AKTIP: variants seen among roughly 807,000 people sequenced by gnomAD.
AKTIP encodes AKT interacting protein, also known as AKT-interacting protein.
In AKTIP, 16 loss-of-function variants were observed where a neutral mutation model predicts 39.1. That is an observed-to-expected ratio of 0.41 (90% CI 0.28 to 0.62). AKTIP has a LOEUF of 0.62. Among genes scored for constraint, AKTIP ranks in the 20% least tolerant of loss-of-function variants. AKTIP has a pLI of 0.32. For missense variants in AKTIP, 262 were observed against 356.6 expected, an observed-to-expected ratio of 0.73 and a Z score of 2.14; for synonymous variants, 93 against 124.3, an observed-to-expected ratio of 0.75 and a Z score of 1.67.
upstream of AKTIP, chr16:53,503,263 TGCC>T (rs1962300310): frequency 5.2e-4 from 13 of 24,986 alleles, 1 homozygote; most frequent in Non-Finnish European, 2.6e-4. Flanking sequence ...CACCCCGCCC[TGCC>T]CTGCCCTGCC....
At chr16:53,496,987 C>T (rs1447765776) in intron 3 of AKTIP, among the ~76,000 whole-genome samples, 5 of 151,832 alleles carry the variant, frequency 3.3e-5, no homozygotes, top group Admixed American at 6.6e-5. Flanking sequence ...TTTTTAGAGA[C>T]GGGGTCACTC....
chr16:53,504,218 G>A (rs1347259202), upstream of AKTIP: 3 of 151,202 alleles, frequency 2.0e-5, no homozygotes, highest in East Asian at 3.9e-4. Context: ...TCTTACCAAC[G>A]GTGCCTCCCC....
In AKTIP at chr16:53,494,431, G is replaced by C; in HGVS notation, c.510C>G (p.Asn170Lys). 6.2e-7 allele frequency: 1 copy of C among 1,614,036 alleles called. No individual in the cohort carries two copies. Among genetic ancestry groups the C allele is most frequent in the Non-Finnish European group, 8.5e-7 (1 of 1,179,950 alleles). Reference protein sequence around the residue: ...VKRAFAKWRRNHNHIWQVLMY... With the variant: ...VKRAFAKWRRKHNHIWQVLMY... ...TTAATACCTGCCAAATATGATTATG[G>C]TTCCGCCTAAAGGGAAACATGGCGT... The change falls in exon 7 of 10, where the codon AAC (asparagine) becomes AAG (lysine). Residue 170 changes from asparagine to lysine, a missense_variant. Transcript: ENST00000394657.
In AKTIP at chr16:53,499,176, C is replaced by T. The variant is rs571020394; in HGVS notation, c.43-580G>A. On this transcript the variant is annotated intron_variant, in intron 2 of 9. Coordinates refer to ENST00000394657, the MANE Select transcript of AKTIP (RefSeq NM_022476.4). ...GTCATCCTTCGTCAAAGACAAAGGT[C>T]GACATGAGTCAGAGACTAAACTACC... 4.6e-4 allele frequency among the ~76,000 whole-genome samples: 70 copies of T among 152,324 alleles called. 1 individual carries two copies. In the East Asian group the frequency reaches 7.7e-3, roughly 17 times the overall value.
chr16:53,499,449 GTT>G lies in AKTIP; in HGVS notation c.42+767_42+768del, dbSNP rs56138099. The stretch of plus-strand genomic sequence containing the variant: ...TTGTTCTCCTAGAGGTGAGATTATA[GTT>G]TTTTTTTTTTTTTTTTCTTTTTGAG... On this transcript the variant is annotated intron_variant, in intron 2 of 9. Transcript: ENST00000394657. Among the ~76,000 whole-genome samples the G allele has an allele frequency of 3.6e-3, 473 of 130,714 alleles. 1 individual carries two copies. Among genetic ancestry groups the G allele is most frequent in the Non-Finnish European group, 4.8e-3 (297 of 61,706 alleles). 85.8% of individuals were successfully genotyped at this position (130,714 alleles called of 152,430 possible). A position where few individuals can be genotyped will look rare whatever the true frequency, so the allele number is the denominator to read the frequency against.
chr16:53,495,296 G>C lies in AKTIP; in HGVS notation c.279C>G (p.Gly93=). 6.2e-7 allele frequency: 1 copy of C among 1,614,172 alleles called. No homozygotes were observed. Among genetic ancestry groups the C allele is most frequent in the Non-Finnish European group, 8.5e-7 (1 of 1,180,036 alleles). Residue 93 remains glycine, a synonymous_variant, in exon 4 of 10, where the codon GGC becomes GGG. Coordinates refer to ENST00000394657, the MANE Select transcript of AKTIP (RefSeq NM_022476.4). The part of the protein sequence containing the change: ...FTLVVKQKLP[G]VYVQPSYRSA... ...AGCGATAAGATGGCTGCACATAGAC[G>C]CCTGGTAGCTTCTGCTTCACAACCA...
intron 8 of AKTIP, chr16:53,493,844 A>C: frequency 3.0e-6 from 1 of 338,180 alleles, no homozygotes; most frequent in Non-Finnish European, 5.4e-6. Flanking sequence ...TAAAACTGCC[A>C]GCTGAAAAGA....
intron 3 of AKTIP, among the ~76,000 whole-genome samples, chr16:53,497,780 C>T (rs946302122): frequency 1.3e-5 from 2 of 152,242 alleles, no homozygotes; most frequent in Admixed American, 6.5e-5. Context: ...GACGGGGTTT[C>T]GCTTTATCGC....
Position 53,494,180 on chromosome 16 carries a change from C to G in AKTIP, c.668G>C (p.Arg223Pro), listed in dbSNP as rs528168629. 6 of 1,614,150 alleles carry G rather than the reference C, an allele frequency of 3.7e-6. No individual in the cohort carries two copies. The South Asian group carries it at 6.6e-5, about 18-fold the overall frequency. Reference sequence around the variant, plus strand: ...TTCTATTTTAGGTTGGTCAAACAAACGAGCAGTGCACACCTTAACACTGTC... The same window carrying G: ...TTCTATTTTAGGTTGGTCAAACAAAGGAGCAGTGCACACCTTAACACTGTC... ...VVDSVKVCTA[R>P]LFDQPKIEDP... The change falls in exon 8 of 10, where the codon CGT (arginine) becomes CCT (proline). Residue 223 changes from arginine (R) to proline (P), a missense_variant. Coordinates refer to ENST00000394657, the MANE Select transcript of AKTIP (RefSeq NM_022476.4).
intron 3 of AKTIP, among the ~76,000 whole-genome samples, chr16:53,496,931 G>A (rs910003399): frequency 6.6e-6 from 1 of 152,134 alleles, no homozygotes; most frequent in Admixed American, 6.5e-5. Context: ...TCAGCCTCCT[G>A]AGTAGCCGGG....
chr16:53,493,006 G>T, intron 8 of AKTIP: 1 of 419,368 alleles, frequency 2.4e-6, no homozygotes, highest in Non-Finnish European at 4.4e-6. Flanking sequence ...GCAAAGCAGA[G>T]TAAATTAATT....
At chr16:53,500,119 A>T in intron 2 of AKTIP, 99 bp downstream of exon 2, 1 of 874,440 alleles carries the variant, frequency 1.1e-6, no homozygotes, top group Non-Finnish European at 1.8e-6. Context: ...TGTCAAGATT[A>T]CAGGTGACCG....
intron 1 of AKTIP, among the ~76,000 whole-genome samples, chr16:53,502,337 C>T (rs1962216496): frequency 6.6e-6 from 1 of 152,230 alleles, no homozygotes; most frequent in Non-Finnish European, 1.5e-5. Context: ...CATGTTACAT[C>T]CTTGTCACTT....
At chr16:53,494,075 G>C (rs1420162984) in intron 8 of AKTIP, 63 bp downstream of exon 8, 19 of 1,265,374 alleles carry the variant, frequency 1.5e-5, no homozygotes, top group African/African-American at 3.0e-5. Context: ...AGACCACCTG[G>C]AGAAAGGAAG....
In AKTIP at chr16:53,491,544, A is replaced by G. The variant is rs779140054; in HGVS notation, c.*868T>C. On this transcript the variant is annotated 3_prime_UTR_variant, in exon 10 of 10. Coordinates refer to ENST00000394657, the MANE Select transcript of AKTIP (RefSeq NM_022476.4). Reference sequence around the variant, plus strand: ...AGAAATATGGAACTTACATTGTTCAATTAGAATAGTGTTCTGCAAAAATAT... The same window carrying G: ...AGAAATATGGAACTTACATTGTTCAGTTAGAATAGTGTTCTGCAAAAATAT... 2.0e-5 allele frequency: 3 copies of G among 152,648 alleles called. No homozygotes were observed. The highest frequency in any genetic ancestry group is 7.2e-5 in the African/African-American group (3 of 41,460). The allele number at this position is 152,648 out of a possible 1,614,324, so 9.5% of individuals were successfully genotyped here.
Position 53,491,865 on chromosome 16 carries a change from T to A in AKTIP, c.*547A>T, listed in dbSNP as rs1961495446. ...AAAACAACACAACACTAGGAACAAG[T>A]GTTCTGGTTTCTTCTCACTGAACTA... On this transcript the variant is annotated 3_prime_UTR_variant, in exon 10 of 10. Coordinates refer to ENST00000394657, the MANE Select transcript of AKTIP (RefSeq NM_022476.4). The A allele has an allele frequency of 6.6e-6, 1 of 152,610 alleles. No individual in the cohort carries two copies. Among genetic ancestry groups the A allele is most frequent in the Non-Finnish European group, 1.5e-5 (1 of 68,044 alleles). The allele number at this position is 152,610 out of a possible 1,614,324, so 9.5% of individuals were successfully genotyped here.
chr16:53,494,669 G>T, intron 5 of AKTIP, 64 bp from the exon 6 acceptor site: 1 of 1,487,400 alleles, frequency 6.7e-7, no homozygotes, highest in South Asian at 1.2e-5. Flanking sequence ...AGACCCATAG[G>T]AATCGTGATA....
Position 53,492,753 on chromosome 16 carries a change from G to C in AKTIP, c.711C>G (p.Ser237Arg), listed in dbSNP as rs1961566932. The change falls in exon 9 of 10, where the codon AGC becomes AGG. Residue 237 changes from serine (S) to arginine (R), a missense_variant and splice_region_variant. Physicochemically the swap from Ser to Arg is moderately radical, Grantham distance 110. Transcript: ENST00000394657. ...GTACAGAAGGATTCCATGGAGAAAA[G>C]CTTAAGGAAGAGAAAAGTATTTAAA... ...QPKIEDPYAI[S>R]FSPWNPSVHD... 2 of 1,612,872 alleles carry C rather than the reference G, an allele frequency of 1.2e-6. No individual in the cohort carries two copies. Among genetic ancestry groups the C allele is most frequent in the Non-Finnish European group, 8.5e-7 (1 of 1,179,452 alleles).
chr16:53,494,148 A>G lies in AKTIP; in HGVS notation c.700T>C (p.Tyr234His), dbSNP rs1961678429. The change falls in exon 8 of 10, where the codon TAT (tyrosine) becomes CAT (histidine). Residue 234 changes from tyrosine (Y) to histidine (H), a missense_variant. Physicochemically the swap from Tyr to His is moderately conservative, Grantham distance 83. Coordinates refer to ENST00000394657, the MANE Select transcript of AKTIP (RefSeq NM_022476.4). ...LFDQPKIEDP[Y>H]AISFSPWNPS... ...GGATGCACCACTTACCTAATTGCAT[A>G]GGGGTCTTCTATTTTAGGTTGGTCA... 1.2e-6 allele frequency: 2 copies of G among 1,612,954 alleles called. No homozygotes were observed. Among genetic ancestry groups the G allele is most frequent in the Non-Finnish European group, 1.7e-6 (2 of 1,179,056 alleles).
Sources: allele counts gnomAD v4.1 joint callset (sites outside exome capture counted in the v4.1 genomes callset), GRCh38; gene constraint gnomAD v4.1.1; transcripts MANE v1.5; gene names NCBI Gene and HGNC (gene_info 2026-07-23, HGNC 2026-07-21).